The following USH2A variants were observed in gnomAD, a reference collection of about 807,000 sequenced individuals.
The protein encoded by USH2A is usherin.
A neutral mutation model predicts 538.9 loss-of-function variants in USH2A; 443 were observed. The observed-to-expected ratio is 0.82, with a 90% CI of 0.76 to 0.89. The LOEUF (loss-of-function observed/expected upper bound fraction) is 0.89, where lower values mean the gene tolerates loss of function less well. Among genes scored for constraint, USH2A ranks in the 40% least tolerant of loss-of-function variants. The probability of loss-of-function intolerance (pLI) is 0.00; values close to 1 mark genes in which losing one functional copy is unlikely to be tolerated. For missense variants in USH2A, 6,633 were observed against 6,324.8 expected (o/e 1.05, Z -1.65); for synonymous variants, 2,413 against 2,273.5 (o/e 1.06, Z -1.75).
chr1:216,301,078 AC>A (rs1279124373), intron 9 of USH2A, among the ~76,000 whole-genome samples: 1 of 151,964 alleles, frequency 6.6e-6, no homozygotes, highest in Non-Finnish European at 1.5e-5. Flanking sequence ...ATTTCTTAAC[AC>A]CTTCAAATTT....
intron 47 of USH2A, among the ~76,000 whole-genome samples, chr1:215,824,248 A>T (rs1322835902): frequency 1.3e-5 from 2 of 152,014 alleles, no homozygotes; most frequent in Admixed American, 1.3e-4. Flanking sequence ...ATATATGTCT[A>T]TGTCTTTGCA....
chr1:216,033,352 T>C (rs1384931346), intron 32 of USH2A, among the ~76,000 whole-genome samples: 1 of 152,208 alleles, frequency 6.6e-6, no homozygotes, highest in East Asian at 1.9e-4. Context: ...GAGAAGGTTT[T>C]ATAAGATCTG....
intron 17 of USH2A, 84 bp from the exon 18 acceptor site, chr1:216,198,668 G>A: frequency 8.0e-7 from 1 of 1,245,630 alleles, no homozygotes; most frequent in Non-Finnish European, 1.1e-6. Context: ...GTCAGTTAAA[G>A]AGTGCTGGAT....
At chr1:216,013,724 T>TACCC (rs1302974275) in intron 32 of USH2A, among the ~76,000 whole-genome samples, 1 of 151,690 alleles carries the variant, frequency 6.6e-6, no homozygotes, top group Admixed American at 6.6e-5. Flanking sequence ...TTCCTTTACC[T>TACCC]ACCCAAATCC....
intron 35 of USH2A, among the ~76,000 whole-genome samples, chr1:215,971,620 CA>C (rs1667496590): frequency 1.3e-5 from 2 of 151,948 alleles, no homozygotes; most frequent in African/African-American, 4.8e-5. Context: ...GAACTACAAA[CA>C]AATGAACTAC....
chr1:215,984,949 C>T (rs931555797), intron 35 of USH2A, among the ~76,000 whole-genome samples: 3 of 152,056 alleles, frequency 2.0e-5, no homozygotes, highest in African/African-American at 7.2e-5. Context: ...CGGGATAATG[C>T]CTTATTACTG....
intron 67 of USH2A, among the ~76,000 whole-genome samples, chr1:215,643,059 T>C (rs1283385876): frequency 6.6e-6 from 1 of 152,088 alleles, no homozygotes; most frequent in Non-Finnish European, 1.5e-5. Flanking sequence ...GCAGTGGCGC[T>C]ATCTCGGCTC....
chr1:215,800,381 T>G (rs1259561387), intron 49 of USH2A, among the ~76,000 whole-genome samples: 1 of 152,194 alleles, frequency 6.6e-6, no homozygotes, highest in Middle Eastern at 3.2e-3. Context: ...GGACAACATC[T>G]CTTCATTATA....
chr1:216,053,615 G>T (rs1053591003), intron 30 of USH2A, among the ~76,000 whole-genome samples: 1 of 152,090 alleles, frequency 6.6e-6, no homozygotes, highest in Non-Finnish European at 1.5e-5. Flanking sequence ...GCAAGCTGAA[G>T]AAACATTCAA....
rs553508489 is a variant in USH2A, at chr1:215,792,939, T to C, written c.9959-2657A>G. 5.3e-5 allele frequency among the ~76,000 whole-genome samples: 8 copies of C among 152,336 alleles called. No individual in the cohort carries two copies. In the South Asian group the frequency reaches 1.2e-3, roughly 24 times the overall value. On this transcript the variant is annotated intron_variant, in intron 50 of 71. Transcript: ENST00000307340. The stretch of plus-strand genomic sequence containing the variant: ...TGTGTCTTTGAACAAAATGCAGATG[T>C]TAGTAAAGTGGTACAGTACACATTA...
chr1:216,362,345 A>C (rs1271395964), intron 4 of USH2A, among the ~76,000 whole-genome samples: 1 of 152,184 alleles, frequency 6.6e-6, no homozygotes, highest in African/African-American at 2.4e-5. Context: ...AAGCTACTCA[A>C]ACTCATTAAT....
intron 69 of USH2A, among the ~76,000 whole-genome samples, chr1:215,635,011 G>T (rs903125190): frequency 2.6e-5 from 4 of 152,138 alleles, no homozygotes; most frequent in African/African-American, 7.2e-5. Context: ...TTTAAAAGAG[G>T]TTACCAAAGT....
intron 40 of USH2A, 146 bp downstream of exon 40, chr1:215,899,929 G>T: frequency 8.6e-7 from 1 of 1,160,470 alleles, no homozygotes; most frequent in Non-Finnish European, 1.2e-6. Context: ...GACCACCTTT[G>T]CTCACTCTCT....
At chr1:215,774,907 C>CT (rs201727746) in intron 55 of USH2A, among the ~76,000 whole-genome samples, 13,557 of 136,304 alleles carry the variant, frequency 0.099, 858 homozygotes, top group East Asian at 0.37. Flanking sequence ...TTTTTTTTTT[C>CT]TTTTTTTTTT....
At chr1:215,921,466 C>A (rs748419238) in intron 38 of USH2A, among the ~76,000 whole-genome samples, 4 of 152,010 alleles carry the variant, frequency 2.6e-5, no homozygotes, top group Non-Finnish European at 4.4e-5. Context: ...TCTAGGCCAT[C>A]TGCAACAGGA....
At chr1:215,766,205 G>A (rs939894581) in intron 56 of USH2A, among the ~76,000 whole-genome samples, 2 of 151,984 alleles carry the variant, frequency 1.3e-5, no homozygotes, top group Non-Finnish European at 2.9e-5. Context: ...TGATGTCATC[G>A]ATGGGTTTCT....
rs143452513 is a variant in USH2A at position 216,356,575 on chromosome 1, G to C, written c.784+8378C>G. Among the ~76,000 whole-genome samples the C allele has an allele frequency of 1.5e-4, 23 of 151,904 alleles. No homozygotes were observed. In the East Asian group the frequency reaches 3.5e-3, roughly 23 times the overall value. On this transcript the variant is annotated intron_variant, in intron 4 of 71. Coordinates refer to ENST00000307340, the MANE Select transcript of USH2A (RefSeq NM_206933.4). ...ATATACATTAAATTTATAGAATTTT[G>C]TACTATACAATCTTGTTTGTTTCAT...
intron 3 of USH2A, among the ~76,000 whole-genome samples, chr1:216,369,836 T>C (rs576696426): frequency 2.0e-5 from 3 of 150,342 alleles, no homozygotes; most frequent in African/African-American, 7.4e-5. Flanking sequence ...GGCGGGAGAA[T>C]CTTTTGAACC....
In USH2A at chr1:215,675,269, TG is replaced by T. The variant is rs1657981723; in HGVS notation, c.12641del (p.Thr4214LysfsTer43). The T allele has an allele frequency of 3.1e-6, 5 of 1,614,080 alleles. No individual in the cohort carries two copies. The South Asian group carries it at 5.5e-5, about 18-fold the overall frequency. ...TIQADEKIVF[T>X]EYNTERNTFM... is the part of the protein sequence containing the mutation. ...ATGTATTCCTTTCAGTGTTATATTC[TG>T]TGAAAACAATTTTCTCGTCGGCCTG... is the stretch of plus-strand genomic sequence containing the variant. On this transcript the variant is annotated frameshift_variant, in exon 63 of 72. Transcript: ENST00000307340. LOFTEE classifies it high-confidence loss of function.
Sources: gnomAD v4.1 joint callset for allele counts (sites outside exome capture counted in the v4.1 genomes callset) on GRCh38, gnomAD v4.1.1 for gene constraint, MANE v1.5 for transcripts, NCBI Gene and HGNC (gene_info 2026-07-23, HGNC 2026-07-21) for gene names.